The following CELSR1 variants were observed in gnomAD, a reference collection of about 807,000 sequenced individuals.
CELSR1 encodes the protein adhesion G protein-coupled receptor C1.
In CELSR1, 110 loss-of-function variants were observed where a neutral mutation model predicts 249.1. The observed-to-expected ratio is 0.44, with a 90% CI of 0.38 to 0.52. CELSR1 has a LOEUF of 0.52. Ranked by LOEUF, CELSR1 falls within the 20% of genes least tolerant of loss-of-function variation. CELSR1 has a pLI of 0.00. For synonymous variants in CELSR1, 2,113 were observed against 1,900.0 expected (o/e 1.11, Z -2.92); for missense variants, 4,109 against 4,296.4 (o/e 0.96, Z 1.22).
At position 46,517,752 on chromosome 22, in the gene CELSR1, A is replaced by G. The variant is rs145489157; in HGVS notation, c.3544+15875T>C. On this transcript the variant is annotated intron_variant, in intron 1 of 34. Coordinates refer to ENST00000674500, the MANE Select transcript of CELSR1 (RefSeq NM_001378328.1). This position sits in a 1 kb window ranked among gnomAD's most constrained non-coding sequence, Gnocchi z 5.4. ...TGTGTTAGAATTTTCCATGCTTAGAAGCGAGGGCTGCATTGAAGAGGCGAC... is the reference window on the plus strand; with the variant it reads ...TGTGTTAGAATTTTCCATGCTTAGAGGCGAGGGCTGCATTGAAGAGGCGAC... Among the ~76,000 whole-genome samples, 3 of 152,300 alleles carry G rather than the reference A, an allele frequency of 2.0e-5. No individual in the cohort carries two copies. Among genetic ancestry groups the G allele is most frequent in the Non-Finnish European group, 4.4e-5 (3 of 68,026 alleles).
In CELSR1 at chr22:46,390,310, G is replaced by C. The variant is rs1317903430; in HGVS notation, c.6345+82C>G. The C allele has an allele frequency of 8.6e-7, 1 of 1,160,458 alleles. No homozygotes were observed. The highest frequency in any genetic ancestry group is 1.6e-5 in the African/African-American group (1 of 63,576). 71.9% of individuals were successfully genotyped at this position (1,160,458 alleles called of 1,614,324 possible). A position where few individuals can be genotyped will look rare whatever the true frequency, so the allele number is the denominator to read the frequency against. On this transcript the variant is annotated intron_variant, in intron 17 of 34. Coordinates refer to ENST00000674500, the MANE Select transcript of CELSR1 (RefSeq NM_001378328.1). This position sits in a 1 kb window ranked among gnomAD's most constrained non-coding sequence, Gnocchi z 6.3. ...CGCCCCAACACTCCCCAGCCCAGGA[G>C]CCTCGGCCCACACAAACTCTCTCAC... is the stretch of plus-strand genomic sequence containing the variant.
In CELSR1 at chr22:46,512,656, G is replaced by T. The variant is rs541264409; in HGVS notation, c.3544+20971C>A. ...GGAGGCCTCAAATGGCCTCACCACA[G>T]GTCCCCCGCCCCACTCTGCTCCTTC... On this transcript the variant is annotated intron_variant, in intron 1 of 34. Transcript: ENST00000674500. The surrounding 1 kb of genome is among the most constrained non-coding windows in gnomAD (Gnocchi z 5.2). Among the ~76,000 whole-genome samples, 1 of 152,286 alleles carries T rather than the reference G, an allele frequency of 6.6e-6. No individual in the cohort carries two copies. Among genetic ancestry groups the T allele is most frequent in the African/African-American group, 2.4e-5 (1 of 41,554 alleles).
rs370091540 is a variant in CELSR1, at chr22:46,377,074, T to C, written c.7571A>G (p.Gln2524Arg). The C allele has an allele frequency of 6.2e-7, 1 of 1,613,084 alleles. No individual in the cohort carries two copies. The highest frequency in any genetic ancestry group is 1.3e-5 in the African/African-American group (1 of 74,910). Residue 2524 changes from glutamine to arginine, a missense_variant, in exon 24 of 35, where the codon CAG (glutamine) becomes CGG (arginine). Gln to Arg is a conservative substitution (Grantham distance 43). Transcript: ENST00000674500. Reference sequence around the variant, plus strand: ...GAGTGGCCATACCGGGTTTTCCGTCTGGTTGATCCCAATCACGAACACCAG... The same window carrying C: ...GAGTGGCCATACCGGGTTTTCCGTCCGGTTGATCCCAATCACGAACACCAG... ...SQLVFVIGIN[Q>R]TENPFLCTVV...
intron 1 of CELSR1, among the ~76,000 whole-genome samples, chr22:46,510,861 C>CT (rs2080566080): frequency 1.3e-5 from 2 of 152,076 alleles, no homozygotes; most frequent in Admixed American, 6.5e-5. Context: ...CCTGTAATCC[C>CT]ACCAGCACTT....
At chr22:46,496,722 C>T (rs1005906281) in intron 1 of CELSR1, among the ~76,000 whole-genome samples, 1 of 152,010 alleles carries the variant, frequency 6.6e-6, no homozygotes, top group African/African-American at 2.4e-5. Context: ...CACTGTCTTC[C>T]ACCTCCATAT....
At position 46,391,497 on chromosome 22, in the gene CELSR1, A is replaced by G; in HGVS notation, c.6148+136T>C. On this transcript the variant is annotated intron_variant, in intron 15 of 34. Transcript: ENST00000674500. The surrounding 1 kb of genome is among the most constrained non-coding windows in gnomAD (Gnocchi z 4.3). The stretch of plus-strand genomic sequence containing the variant: ...CCCCCTCACGCAGAACCAGGTTTCT[A>G]GAAGGTCAAGAGAACTCAGAACACG... The G allele has an allele frequency of 9.0e-7, 1 of 1,112,088 alleles. No individual in the cohort carries two copies. The highest frequency in any genetic ancestry group is 1.2e-6 in the Non-Finnish European group (1 of 804,188). 68.9% of individuals were successfully genotyped at this position (1,112,088 alleles called of 1,614,324 possible). A position where few individuals can be genotyped will look rare whatever the true frequency, so the allele number is the denominator to read the frequency against.
intron 1 of CELSR1, among the ~76,000 whole-genome samples, chr22:46,499,439 G>T (rs1373980671): frequency 6.6e-6 from 1 of 152,218 alleles, no homozygotes; most frequent in East Asian, 1.9e-4. Context: ...CATCAAGCCT[G>T]TGAGGACATA....
chr22:46,462,824 C>G, intron 2 of CELSR1: 1 of 398,748 alleles, frequency 2.5e-6, no homozygotes, highest in Non-Finnish European at 5.0e-6. Flanking sequence ...TAAAAACCAC[C>G]GTTGGCTACA....
rs974959920 is a variant in CELSR1 at position 46,434,562 on chromosome 22, G to A, written c.4523-1081C>T. Among the ~76,000 whole-genome samples the A allele has an allele frequency of 6.6e-6, 1 of 152,192 alleles. No individual in the cohort carries two copies. The highest frequency in any genetic ancestry group is 1.5e-5 in the Non-Finnish European group (1 of 68,026). On this transcript the variant is annotated intron_variant, in intron 4 of 34. Coordinates refer to ENST00000674500, the MANE Select transcript of CELSR1 (RefSeq NM_001378328.1). This position sits in a 1 kb window ranked among gnomAD's most constrained non-coding sequence, Gnocchi z 4.9. Reference sequence around the variant, plus strand: ...ACAGGTGCCTCCCTTTCTTTATTGAGTATAGAAAACAAAGCTCCATCCTCC... The same window carrying A: ...ACAGGTGCCTCCCTTTCTTTATTGAATATAGAAAACAAAGCTCCATCCTCC...
Position 46,365,635 on chromosome 22 carries a change from G to A in CELSR1, c.8355C>T (p.His2785=), listed in dbSNP as rs747919597. 48 of 1,592,252 alleles carry A rather than the reference G, an allele frequency of 3.0e-5. No homozygotes were observed. In the Admixed American group the frequency reaches 3.3e-4, roughly 11 times the overall value. ...GCATGAGGGACGCGTCTGGCTCTCCGTGGCTGCCCCTCACCAGCCCAGAGG... is the reference window on the plus strand; with the variant it reads ...GCATGAGGGACGCGTCTGGCTCTCCATGGCTGCCCCTCACCAGCCCAGAGG... ...GVSSGLVRGS[H]GEPDASLMPR... is the part of the protein sequence containing the mutation. Residue 2785 remains histidine, a synonymous_variant, in exon 31 of 35, where the codon CAC becomes CAT. Coordinates refer to ENST00000674500, the MANE Select transcript of CELSR1 (RefSeq NM_001378328.1).
chr22:46,497,537 C>T (rs1183997240), intron 1 of CELSR1, among the ~76,000 whole-genome samples: 2 of 152,210 alleles, frequency 1.3e-5, no homozygotes, highest in African/African-American at 2.4e-5. Context: ...GGTCTTCACA[C>T]ATTCTCTGTG....
intron 5 of CELSR1, among the ~76,000 whole-genome samples, chr22:46,420,127 CACAT>C (rs2079449914): frequency 6.6e-6 from 1 of 151,812 alleles, no homozygotes; most frequent in Non-Finnish European, 1.5e-5. Context: ...CATTCACACT[CACAT>C]ATACACTCAC....
At position 46,439,283 on chromosome 22, in the gene CELSR1, G is replaced by A. The variant is rs1240455637; in HGVS notation, c.4312C>T (p.Pro1438Ser). ...CTCCTGGTGGTCACCTCACAGTAGG[G>A]CCTCTCATACTCGCCAGGAGGACAC... ...CVCPPGEYER[P>S]YCEVTTRSFP... The change falls in exon 3 of 35, where the codon CCC (proline) becomes TCC (serine). Residue 1438 changes from proline to serine, a missense_variant. Pro to Ser is a moderately conservative substitution (Grantham distance 74). This residue lies in a region of CELSR1 where 453 missense variants were observed against 492.0 expected (regional missense o/e 0.92). Coordinates refer to ENST00000674500, the MANE Select transcript of CELSR1 (RefSeq NM_001378328.1). 4 of 1,614,080 alleles carry A rather than the reference G, an allele frequency of 2.5e-6. No homozygotes were observed. The highest frequency in any genetic ancestry group is 2.5e-6 in the Non-Finnish European group (3 of 1,180,004).
At chr22:46,369,846 C>T (rs1274941231) in intron 25 of CELSR1, 42 bp from the exon 26 acceptor site, 2 of 1,546,636 alleles carry the variant, frequency 1.3e-6, no homozygotes, top group Admixed American at 1.7e-5. Flanking sequence ...GGGCCACGTG[C>T]CCAGTGGCCA....
In CELSR1 at chr22:46,469,512, TG is replaced by T. The variant is rs1381399643; in HGVS notation, c.3545-5168del. Among the ~76,000 whole-genome samples the T allele has an allele frequency of 2.9e-3, 440 of 151,678 alleles. 1 individual carries two copies. The highest frequency in any genetic ancestry group is 9.8e-3 in the African/African-American group (407 of 41,376). ...GGGCTCTCTGTGTTTGTTTTGTTGT[TG>T]TTTGTTTGTTTGTTTGTTTTGAGAT... On this transcript the variant is annotated intron_variant, in intron 1 of 34. Coordinates refer to ENST00000674500, the MANE Select transcript of CELSR1 (RefSeq NM_001378328.1).
chr22:46,420,345 C>T (rs1569150760), intron 5 of CELSR1, among the ~76,000 whole-genome samples: 1 of 151,924 alleles, frequency 6.6e-6, no homozygotes, highest in Non-Finnish European at 1.5e-5. Context: ...CACTCATGTG[C>T]ACATTTACCC....
intron 1 of CELSR1, among the ~76,000 whole-genome samples, chr22:46,496,935 A>G (rs967802286): frequency 2.6e-5 from 4 of 152,206 alleles, no homozygotes; most frequent in South Asian, 2.1e-4. Context: ...CATACAGTAA[A>G]TGACCAGTGA....
At position 46,393,661 on chromosome 22, in the gene CELSR1, C is replaced by G. The variant is rs147949203; in HGVS notation, c.5964+481G>C. Among the ~76,000 whole-genome samples the G allele has an allele frequency of 0.026, 3,991 of 152,032 alleles. 165 individuals are homozygous for G. Among genetic ancestry groups the G allele is most frequent in the African/African-American group, 0.09 (3,741 of 41,424 alleles). On this transcript the variant is annotated intron_variant, in intron 14 of 34. Transcript: ENST00000674500. This position sits in a 1 kb window ranked among gnomAD's most constrained non-coding sequence, Gnocchi z 4.1. ...GCTGAGGCAGAAGAATTGCTGGAAC[C>G]CGGGAGGCGGAGGCTGCAGTGAGCC...
intron 20 of CELSR1, among the ~76,000 whole-genome samples, chr22:46,382,253 G>A (rs530564748): frequency 9.9e-5 from 15 of 152,284 alleles, no homozygotes; most frequent in Middle Eastern, 6.8e-3. Context: ...AACTGAAGGC[G>A]GGGACCCAGA....
Sources: gnomAD v4.1 joint callset for allele counts (sites outside exome capture counted in the v4.1 genomes callset) on GRCh38, gnomAD v4.1.1 for gene constraint, gnomAD v4.1.1 regional missense constraint, Gnocchi (gnomAD v3.1) non-coding constraint, MANE v1.5 for transcripts, NCBI Gene and HGNC (gene_info 2026-07-23, HGNC 2026-07-21) for gene names.